The following UPK3A variants were observed in gnomAD, a reference collection of about 807,000 sequenced individuals.
UPK3A encodes the protein uroplakin 3A.
A neutral mutation model predicts 27.6 loss-of-function variants in UPK3A; 32 were observed. That is an observed-to-expected ratio of 1.16 (90% CI 0.87 to 1.55). UPK3A has a LOEUF of 1.55. Among genes scored for constraint, UPK3A ranks in the 40% most tolerant of loss-of-function variants. The probability of loss-of-function intolerance (pLI) is 0.00; values close to 1 mark genes in which losing one functional copy is unlikely to be tolerated. For synonymous variants in UPK3A, 171 were observed against 163.9 expected (o/e 1.04, Z -0.33); for missense variants, 370 against 367.9 (o/e 1.01, Z -0.05).
In UPK3A at chr22:45,284,989, G is replaced by A. The variant is rs116162068; in HGVS notation, c.-25G>A. The stretch of plus-strand genomic sequence containing the variant: ...GCCTGCTCGCTGGACCGCCCGCCCC[G>A]CGCTCTGGCGGCTCCTCCCGGGCGA... On this transcript the variant is annotated 5_prime_UTR_variant, in exon 1 of 6. Coordinates refer to ENST00000216211, the MANE Select transcript of UPK3A (RefSeq NM_006953.4). The A allele has an allele frequency of 1.3e-6, 2 of 1,528,928 alleles. No individual in the cohort carries two copies. Among genetic ancestry groups the A allele is most frequent in the Admixed American group, 2.0e-5 (1 of 50,776 alleles). 94.7% of individuals were successfully genotyped at this position (1,528,928 alleles called of 1,614,324 possible).
At position 45,293,265 on chromosome 22, in the gene UPK3A, C is replaced by T. The variant is rs1362156155; in HGVS notation, c.656C>T (p.Pro219Leu). ...IVITSILGSL[P>L]FFLLVGFAGA... is the part of the protein sequence containing the mutation. The stretch of plus-strand genomic sequence containing the variant: ...ATCACTTCCATCCTGGGCTCCCTGC[C>T]CTTCTTTCTACTTGTGGGTTTTGCT... Residue 219 changes from proline to leucine, a missense_variant, in exon 5 of 6, where the codon CCC becomes CTC. Transcript: ENST00000216211. 1 of 1,614,160 alleles carries T rather than the reference C, an allele frequency of 6.2e-7. No homozygotes were observed. The highest frequency in any genetic ancestry group is 1.1e-5 in the South Asian group (1 of 91,082).
chr22:45,287,989 A>T (rs2084131401), intron 3 of UPK3A, among the ~76,000 whole-genome samples: 2 of 152,072 alleles, frequency 1.3e-5, no homozygotes, highest in South Asian at 4.2e-4. Flanking sequence ...TAATTGTTGA[A>T]CAAGGGCCCA....
intron 5 of UPK3A, among the ~76,000 whole-genome samples, chr22:45,294,723 T>C (rs2084183581): frequency 6.6e-6 from 1 of 151,992 alleles, no homozygotes; most frequent in South Asian, 2.1e-4. Flanking sequence ...CCCCAGTTTT[T>C]CCATGTATCC....
intron 4 of UPK3A, among the ~76,000 whole-genome samples, chr22:45,292,361 G>T (rs1018517818): frequency 2.0e-5 from 3 of 152,140 alleles, no homozygotes; most frequent in Non-Finnish European, 4.4e-5. Flanking sequence ...CTCCCTGAGC[G>T]CAGTGAGTGA....
intron 4 of UPK3A, among the ~76,000 whole-genome samples, chr22:45,292,409 A>C (rs998618929): frequency 2.0e-5 from 3 of 152,210 alleles, no homozygotes; most frequent in African/African-American, 7.2e-5. Flanking sequence ...TACCTGGAAC[A>C]GTAGCTGCAA....
chr22:45,292,137 G>A (rs1158436664), intron 4 of UPK3A, among the ~76,000 whole-genome samples: 1 of 152,192 alleles, frequency 6.6e-6, no homozygotes, highest in Non-Finnish European at 1.5e-5. Flanking sequence ...GGTGTGAGCC[G>A]TTATGGACCT....
chr22:45,292,313 G>C (rs1266754118), intron 4 of UPK3A, among the ~76,000 whole-genome samples: 1 of 152,200 alleles, frequency 6.6e-6, no homozygotes, highest in Non-Finnish European at 1.5e-5. Flanking sequence ...GGCCCAGCTT[G>C]AGCCTGGATT....
rs1309071682 is a variant in UPK3A at position 45,286,068 on chromosome 22, G to A, written c.180G>A (p.Glu60=). The change falls in exon 2 of 6, where the codon GAG becomes GAA. Residue 60 remains glutamate, a synonymous_variant. Transcript: ENST00000216211. ...DSKEALTGTH[E]VYLYVLVDSA... ...AAGAGGCCCTCACTGGCACCCACGA[G>A]GTCTACCTGTATGTCCTGGTCGACT... The A allele has an allele frequency of 7.4e-6, 12 of 1,614,038 alleles. No homozygotes were observed. The Admixed American group carries it at 2.0e-4, about 27-fold the overall frequency.
At chr22:45,295,452 G>A in intron 5 of UPK3A, 108 bp from the exon 6 acceptor site, 1 of 1,219,432 alleles carries the variant, frequency 8.2e-7, no homozygotes, top group Non-Finnish European at 1.2e-6. Context: ...TGTCTACGAA[G>A]ACGATATCTG....
chr22:45,293,230 C>T lies in UPK3A; in HGVS notation c.621C>T (p.Gly207=). Reference sequence around the variant, plus strand: ...CGTGGCCAGGCCGGCGGAGCGGAGGCATGATCGTCATCACTTCCATCCTGG... The same window carrying T: ...CGTGGCCAGGCCGGCGGAGCGGAGGTATGATCGTCATCACTTCCATCCTGG... The part of the protein sequence containing the change: ...IDTWPGRRSG[G]MIVITSILGS... The change falls in exon 5 of 6, where the codon GGC becomes GGT. Residue 207 remains glycine (G), a synonymous_variant. Transcript: ENST00000216211. 1.2e-6 allele frequency: 2 copies of T among 1,614,128 alleles called. No individual in the cohort carries two copies. Among genetic ancestry groups the T allele is most frequent in the Non-Finnish European group, 1.7e-6 (2 of 1,180,038 alleles).
intron 5 of UPK3A, 89 bp from the exon 6 acceptor site, chr22:45,295,471 A>T: frequency 1.5e-6 from 2 of 1,361,144 alleles, no homozygotes; most frequent in Non-Finnish European, 2.1e-6. Flanking sequence ...TGTGAAAGCT[A>T]TGTCTGAGTA....
chr22:45,284,963 C>A lies in UPK3A; in HGVS notation c.-51C>A, dbSNP rs1286221123. The A allele has an allele frequency of 1.7e-5, 26 of 1,507,840 alleles. No individual in the cohort carries two copies. Among genetic ancestry groups the A allele is most frequent in the Non-Finnish European group, 2.0e-5 (23 of 1,127,726 alleles). The allele number at this position is 1,507,840 out of a possible 1,614,324, so 93.4% of individuals were successfully genotyped here. ...CTGGCAGGGACAGGTCTGGTGCCCG[C>A]GCCTGCTCGCTGGACCGCCCGCCCC... On this transcript the variant is annotated 5_prime_UTR_variant, in exon 1 of 6. Transcript: ENST00000216211.
At chr22:45,290,829 G>C (rs1019200667) in intron 4 of UPK3A, among the ~76,000 whole-genome samples, 19 of 152,112 alleles carry the variant, frequency 1.2e-4, no homozygotes, top group Admixed American at 1.0e-3. Context: ...AGAGTGTCAC[G>C]GGAGCGCGAA....
At position 45,295,822 on chromosome 22, in the gene UPK3A, C is replaced by A; in HGVS notation, c.*103C>A. The A allele has an allele frequency of 7.2e-7, 1 of 1,389,984 alleles. No homozygotes were observed. Among genetic ancestry groups the A allele is most frequent in the Non-Finnish European group, 1.0e-6 (1 of 996,796 alleles). 86.1% of individuals were successfully genotyped at this position (1,389,984 alleles called of 1,614,324 possible). A position where few individuals can be genotyped will look rare whatever the true frequency, so the allele number is the denominator to read the frequency against. On this transcript the variant is annotated 3_prime_UTR_variant, in exon 6 of 6. Transcript: ENST00000216211. ...TGACTTCAGGGAAGGTGAAACAGGG[C>A]TTGTCCCTCCAACTGCAGGAAAACC...
chr22:45,286,437 G>A (rs965205207), intron 2 of UPK3A, among the ~76,000 whole-genome samples: 13 of 152,252 alleles, frequency 8.5e-5, no homozygotes, highest in Admixed American at 4.6e-4. Flanking sequence ...CCCAGGGCTG[G>A]AGAGTGAATC....
At position 45,287,322 on chromosome 22, in the gene UPK3A, G is replaced by A. The variant is rs1469984134; in HGVS notation, c.359G>A (p.Gly120Glu). ...GACCTGCCCAGCCTGGATGCCATTG[G>A]GGATGTGTCCAAGGCCTCACAGATC... Reference protein sequence around the residue: ...CSDLPSLDAIGDVSKASQILN... With the variant: ...CSDLPSLDAIEDVSKASQILN... The change falls in exon 3 of 6, where the codon GGG becomes GAG. Residue 120 changes from glycine to glutamate, a missense_variant. Coordinates refer to ENST00000216211, the MANE Select transcript of UPK3A (RefSeq NM_006953.4). The A allele has an allele frequency of 1.2e-6, 2 of 1,614,086 alleles. No homozygotes were observed. The highest frequency in any genetic ancestry group is 2.7e-5 in the African/African-American group (2 of 74,912).
In UPK3A at chr22:45,287,466, A is replaced by G. The variant is rs755221724; in HGVS notation, c.488+15A>G. On this transcript the variant is annotated intron_variant, in intron 3 of 5. Coordinates refer to ENST00000216211, the MANE Select transcript of UPK3A (RefSeq NM_006953.4). ...ACGGAGTACAGGTGGGTGTAAACAAACCACTACAGGAGAGCCGCGGCAGTT... is the reference window on the plus strand; with the variant it reads ...ACGGAGTACAGGTGGGTGTAAACAAGCCACTACAGGAGAGCCGCGGCAGTT... 5.6e-5 allele frequency: 88 copies of G among 1,580,022 alleles called. No homozygotes were observed. The highest frequency in any genetic ancestry group is 7.5e-5 in the Non-Finnish European group (87 of 1,163,228).
At chr22:45,294,564 T>G (rs998354082) in intron 5 of UPK3A, among the ~76,000 whole-genome samples, 4 of 152,080 alleles carry the variant, frequency 2.6e-5, no homozygotes, top group Non-Finnish European at 4.4e-5. Flanking sequence ...GACTCTGACA[T>G]TTAAGTGAAC....
intron 4 of UPK3A, among the ~76,000 whole-genome samples, chr22:45,292,148 C>A (rs1189071454): frequency 2.0e-5 from 3 of 152,132 alleles, no homozygotes; most frequent in Non-Finnish European, 4.4e-5. Context: ...TTATGGACCT[C>A]GGTTTCCTCA....
Sources: allele counts gnomAD v4.1 joint callset (sites outside exome capture counted in the v4.1 genomes callset), GRCh38; gene constraint gnomAD v4.1.1; transcripts MANE v1.5; gene names NCBI Gene and HGNC (gene_info 2026-07-23, HGNC 2026-07-21).